The following CTNNA3 variants were observed in gnomAD, a reference collection of about 807,000 sequenced individuals.
The protein encoded by CTNNA3 is catenin alpha-3.
Under a neutral mutation model 95.7 loss-of-function variants are expected in CTNNA3, and 76 were observed. The observed-to-expected ratio is 0.79, with a 90% CI of 0.66 to 0.96. The LOEUF (loss-of-function observed/expected upper bound fraction) is 0.96, where lower values mean the gene tolerates loss of function less well. CTNNA3 is among the 40% of genes least tolerant of loss of function. CTNNA3 has a pLI of 0.00. For synonymous variants in CTNNA3, 431 were observed against 374.4 expected, an observed-to-expected ratio of 1.15 and a Z score of -1.74; for missense variants, 1,191 against 1,089.8, an observed-to-expected ratio of 1.09 and a Z score of -1.31.
chr10:66,140,700 G>A (rs1288498593), intron 13 of CTNNA3, among the ~76,000 whole-genome samples: 1 of 152,164 alleles, frequency 6.6e-6, no homozygotes, highest in Non-Finnish European at 1.5e-5. Flanking sequence ...GGCTAAAAAG[G>A]AAATGCAGCC....
intron 5 of CTNNA3, among the ~76,000 whole-genome samples, chr10:67,408,143 GT>G (rs1387021996): frequency 6.6e-6 from 1 of 152,136 alleles, no homozygotes; most frequent in Non-Finnish European, 1.5e-5. Context: ...AAGAATCAAT[GT>G]TTTGAAAATG....
intron 11 of CTNNA3, among the ~76,000 whole-genome samples, chr10:66,422,880 T>C (rs1292552178): frequency 2.9e-5 from 4 of 136,398 alleles, no homozygotes; most frequent in Admixed American, 7.3e-5. Context: ...TCCACCTCCC[T>C]CGGCCTACCA....
intron 17 of CTNNA3, among the ~76,000 whole-genome samples, chr10:65,935,152 A>G (rs2077315578): frequency 6.6e-6 from 1 of 152,186 alleles, no homozygotes; most frequent in South Asian, 2.1e-4. Context: ...ATTTTTGGCT[A>G]CAACAGTAGT....
Position 67,647,639 on chromosome 10 carries a change from A to G in CTNNA3, c.-5-121T>C. The G allele has an allele frequency of 8.7e-6, 6 of 686,262 alleles. No homozygotes were observed. In the South Asian group the frequency reaches 1.2e-4, roughly 14 times the overall value. The allele number at this position is 686,262 out of a possible 1,614,324, so 42.5% of individuals were successfully genotyped here. ...AGCACCTCTTCCTGATATCAACCATAGCCCTCAGAGGACCAGGCTACAAAA... is the reference window on the plus strand; with the variant it reads ...AGCACCTCTTCCTGATATCAACCATGGCCCTCAGAGGACCAGGCTACAAAA... On this transcript the variant is annotated intron_variant, in intron 1 of 17. Coordinates refer to ENST00000433211, the MANE Select transcript of CTNNA3 (RefSeq NM_013266.4).
At chr10:67,700,403 C>T (rs939766870), upstream of CTNNA3, among the ~76,000 whole-genome samples, 32 of 152,316 alleles carry the variant, frequency 2.1e-4, no homozygotes, top group Admixed American at 6.5e-4. Context: ...ACACCTCACA[C>T]GGCCAGGTAC....
At chr10:66,576,499 C>G (rs998171088) in intron 10 of CTNNA3, among the ~76,000 whole-genome samples, 7 of 151,956 alleles carry the variant, frequency 4.6e-5, no homozygotes, top group Non-Finnish European at 8.8e-5. Flanking sequence ...CCCAATGAAG[C>G]AGTCTCCAGA....
intron 15 of CTNNA3, among the ~76,000 whole-genome samples, chr10:66,040,697 G>C (rs1830506741): frequency 6.6e-6 from 1 of 152,020 alleles, no homozygotes; most frequent in African/African-American, 2.4e-5. Flanking sequence ...GACTTATAGA[G>C]GGGCACAACA....
At chr10:66,544,891 G>A (rs1841989660) in intron 10 of CTNNA3, among the ~76,000 whole-genome samples, 1 of 151,986 alleles carries the variant, frequency 6.6e-6, no homozygotes, top group Non-Finnish European at 1.5e-5. Context: ...TAAACCAACG[G>A]TGTTCTCTGT....
intron 1 of CTNNA3, among the ~76,000 whole-genome samples, chr10:67,673,151 GCTCT>G (rs1469228136): frequency 9.3e-4 from 141 of 151,362 alleles, no homozygotes; most frequent in African/African-American, 3.1e-3. Context: ...TCATGATTTG[GCTCT>G]CTGTTTGTCT....
At position 65,948,046 on chromosome 10, in the gene CTNNA3, G is replaced by A. The variant is rs541368081; in HGVS notation, c.2400+18566C>T. ...TAATCCCAGCACTTTGGGAGGCCAAGGTGGGCGGATCACGAGGTCAGGAGA... is the reference window on the plus strand; with the variant it reads ...TAATCCCAGCACTTTGGGAGGCCAAAGTGGGCGGATCACGAGGTCAGGAGA... On this transcript the variant is annotated intron_variant, in intron 17 of 17. Transcript: ENST00000433211. Among the ~76,000 whole-genome samples, 20 of 152,288 alleles carry A rather than the reference G, an allele frequency of 1.3e-4. No individual in the cohort carries two copies. The South Asian group carries it at 3.9e-3, about 30-fold the overall frequency.
intron 5 of CTNNA3, among the ~76,000 whole-genome samples, chr10:67,356,393 T>C (rs990666812): frequency 5.9e-5 from 9 of 152,102 alleles, no homozygotes; most frequent in Non-Finnish European, 1.2e-4. Context: ...AGACAACTTT[T>C]ACTACTACTG....
intron 7 of CTNNA3, among the ~76,000 whole-genome samples, chr10:66,936,976 A>T (rs1217770378): frequency 6.6e-6 from 1 of 152,144 alleles, no homozygotes; most frequent in East Asian, 1.9e-4. Context: ...AGCACTCTGA[A>T]ATCATCCTCT....
intron 16 of CTNNA3, among the ~76,000 whole-genome samples, chr10:65,971,444 AAGAG>A (rs1303412065): frequency 6.6e-6 from 1 of 151,678 alleles, no homozygotes; most frequent in African/African-American, 2.4e-5. Context: ...CAAAGAAAAA[AAGAG>A]AGAGGATTCA....
At chr10:66,589,462 T>G (rs910231972) in intron 10 of CTNNA3, among the ~76,000 whole-genome samples, 1 of 152,034 alleles carries the variant, frequency 6.6e-6, no homozygotes, top group Non-Finnish European at 1.5e-5. Flanking sequence ...ACCAATAGTG[T>G]TTTCTACATT....
At chr10:67,496,566 C>A (rs1839030547) in intron 5 of CTNNA3, among the ~76,000 whole-genome samples, 1 of 152,108 alleles carries the variant, frequency 6.6e-6, no homozygotes, top group Non-Finnish European at 1.5e-5. Context: ...TTGTACAACC[C>A]AGTTTTAAAG....
At chr10:66,731,550 G>T (rs1479023967) in intron 9 of CTNNA3, among the ~76,000 whole-genome samples, 1 of 152,028 alleles carries the variant, frequency 6.6e-6, no homozygotes, top group Non-Finnish European at 1.5e-5. Flanking sequence ...GCTGTTAATA[G>T]CTAAGGACCT....
At chr10:66,397,917 G>A (rs1317992675) in intron 11 of CTNNA3, among the ~76,000 whole-genome samples, 1 of 151,784 alleles carries the variant, frequency 6.6e-6, no homozygotes, top group Non-Finnish European at 1.5e-5. Flanking sequence ...GATTGTGGGA[G>A]TAGGGGTGGG....
intron 15 of CTNNA3, among the ~76,000 whole-genome samples, chr10:66,054,830 T>C (rs909814690): frequency 6.6e-6 from 1 of 152,194 alleles, no homozygotes; most frequent in Non-Finnish European, 1.5e-5. Flanking sequence ...TTTTCCCCAA[T>C]GTTTTCTTCT....
chr10:66,374,999 G>A (rs141050968), intron 12 of CTNNA3, among the ~76,000 whole-genome samples: 10 of 152,094 alleles, frequency 6.6e-5, no homozygotes, highest in Admixed American at 2.6e-4. Context: ...GAGTTGGCAC[G>A]TCCCTTAAGA....
Sources: allele counts gnomAD v4.1 joint callset (sites outside exome capture counted in the v4.1 genomes callset), GRCh38; gene constraint gnomAD v4.1.1; transcripts MANE v1.5; gene names NCBI Gene and HGNC (gene_info 2026-07-23, HGNC 2026-07-21).